The following CALD1 variants were observed in gnomAD, a reference collection of about 807,000 sequenced individuals.
The protein encoded by CALD1 is caldesmon.
In CALD1, 33 loss-of-function variants were observed where a neutral mutation model predicts 99.9. That is an observed-to-expected ratio of 0.33 (90% CI 0.25 to 0.44). The LOEUF (loss-of-function observed/expected upper bound fraction) is 0.44, where lower values mean the gene tolerates loss of function less well. Ranked by LOEUF, CALD1 falls within the 20% of genes least tolerant of loss-of-function variation. The pLI is 1.00. For synonymous variants in CALD1, 310 were observed against 325.0 expected, an observed-to-expected ratio of 0.95 and a Z score of 0.50; for missense variants, 861 against 962.1, an observed-to-expected ratio of 0.89 and a Z score of 1.39.
chr7:134,839,554 C>A (rs1302930967), intron 1 of CALD1, among the ~76,000 whole-genome samples: 1 of 152,178 alleles, frequency 6.6e-6, no homozygotes, highest in Non-Finnish European at 1.5e-5. Flanking sequence ...CAGTTGCTCA[C>A]CACCATTTTG....
chr7:134,917,835 A>G (rs566546351), intron 3 of CALD1, among the ~76,000 whole-genome samples: 5 of 152,246 alleles, frequency 3.3e-5, no homozygotes, highest in South Asian at 4.2e-4. Flanking sequence ...ATTTTATTTT[A>G]ATTATCTTCC....
Position 134,970,678 on chromosome 7 carries a change from T to C in CALD1, c.*2333T>C, listed in dbSNP as rs1808985780. On this transcript the variant is annotated 3_prime_UTR_variant, in exon 15 of 15. Transcript: ENST00000361675. ...CACTTATTTTTATGTACAATATTGA[T>C]AGTGAGAGGTATGTCTATTATAATA... 1.3e-5 allele frequency: 2 copies of C among 152,504 alleles called. No individual in the cohort carries two copies. The highest frequency in any genetic ancestry group is 2.9e-5 in the Non-Finnish European group (2 of 68,038). 9.4% of individuals were successfully genotyped at this position (152,504 alleles called of 1,614,324 possible). A position where few individuals can be genotyped will look rare whatever the true frequency, so the allele number is the denominator to read the frequency against.
intron 3 of CALD1, among the ~76,000 whole-genome samples, chr7:134,926,954 G>T (rs1805069288): frequency 1.3e-5 from 2 of 152,096 alleles, no homozygotes; most frequent in Admixed American, 1.3e-4. Flanking sequence ...AGAATTATTA[G>T]CATGAAATGT....
At chr7:134,742,072 C>T (rs1412775011), upstream of CALD1, among the ~76,000 whole-genome samples, 4 of 151,176 alleles carry the variant, frequency 2.6e-5, no homozygotes, top group Admixed American at 1.3e-4. Flanking sequence ...TGATGTATGT[C>T]TTGGCCCCAC....
chr7:134,947,355 C>T (rs913249708), intron 7 of CALD1, among the ~76,000 whole-genome samples, 153 bp from the exon 8 acceptor site: 10 of 152,094 alleles, frequency 6.6e-5, no homozygotes, highest in Non-Finnish European at 1.0e-4. Context: ...TCTGTGATTC[C>T]GGGCAGACCC....
At position 134,867,811 on chromosome 7, in the gene CALD1, A is replaced by C. The variant is rs1447843209; in HGVS notation, c.71+7A>C. The C allele has an allele frequency of 5.7e-6, 9 of 1,579,040 alleles. No individual in the cohort carries two copies. The highest frequency in any genetic ancestry group is 3.4e-5 in the Admixed American group (2 of 58,438). On this transcript the variant is annotated splice_region_variant and intron_variant, in intron 3 of 14. Transcript: ENST00000361675. The stretch of plus-strand genomic sequence containing the variant: ...TGCGACTCGAAGCAGAAAGGTAAGG[A>C]TCTAGGGTGAAAAATACTTGTATTC...
At chr7:134,837,598 C>T (rs1799496507) in intron 1 of CALD1, among the ~76,000 whole-genome samples, 1 of 152,248 alleles carries the variant, frequency 6.6e-6, no homozygotes, top group South Asian at 2.1e-4. Flanking sequence ...CTGCCTGCCT[C>T]GGCCTCCCAA....
At chr7:134,888,316 C>T (rs1801977675) in intron 3 of CALD1, among the ~76,000 whole-genome samples, 1 of 152,208 alleles carries the variant, frequency 6.6e-6, no homozygotes, top group African/African-American at 2.4e-5. Context: ...GACTGGCCCA[C>T]TTGTTCATGG....
intron 4 of CALD1, among the ~76,000 whole-genome samples, chr7:134,932,741 T>C (rs1214709943): frequency 6.6e-6 from 1 of 152,126 alleles, no homozygotes; most frequent in Non-Finnish European, 1.5e-5. Context: ...TGAAAACTGC[T>C]CCCAGGGGAC....
intron 1 of CALD1, among the ~76,000 whole-genome samples, chr7:134,838,845 G>A (rs1284627702): frequency 6.6e-6 from 1 of 152,028 alleles, no homozygotes; most frequent in Non-Finnish European, 1.5e-5. Flanking sequence ...TATATATTTT[G>A]AGCTCATAAA....
At chr7:134,920,831 T>C (rs986378914) in intron 3 of CALD1, 5 of 495,688 alleles carry the variant, frequency 1.0e-5, no homozygotes, top group East Asian at 1.4e-4. Context: ...TTTCAAAATA[T>C]AGGAATGTGC....
intron 6 of CALD1, among the ~76,000 whole-genome samples, chr7:134,939,443 T>C (rs1175622236): frequency 6.6e-6 from 1 of 152,182 alleles, no homozygotes; most frequent in East Asian, 1.9e-4. Flanking sequence ...GGTTTCCTGA[T>C]TTACAGACAA....
At chr7:134,928,315 G>C (rs574944980) in intron 3 of CALD1, among the ~76,000 whole-genome samples, 1 of 151,760 alleles carries the variant, frequency 6.6e-6, no homozygotes, top group East Asian at 1.9e-4. Context: ...TGTAATCCCA[G>C]CTGCTCGGGA....
At chr7:134,762,230 C>T (rs979072797) in intron 1 of CALD1, among the ~76,000 whole-genome samples, 20 of 152,228 alleles carry the variant, frequency 1.3e-4, no homozygotes, top group Non-Finnish European at 2.2e-4. Flanking sequence ...GCCAGGTTCT[C>T]TTCTAAGTGA....
intron 1 of CALD1, among the ~76,000 whole-genome samples, chr7:134,788,564 ATTTG>A (rs1275430631): frequency 2.6e-5 from 4 of 152,210 alleles, no homozygotes; most frequent in African/African-American, 7.2e-5. Flanking sequence ...ATGATTGCAT[ATTTG>A]TTTGTTTGCT....
At chr7:134,789,430 C>T (rs1306166805) in intron 1 of CALD1, among the ~76,000 whole-genome samples, 4 of 152,184 alleles carry the variant, frequency 2.6e-5, no homozygotes, top group African/African-American at 9.7e-5. Flanking sequence ...GAATTGAGAT[C>T]TATTTGAGAA....
chr7:134,919,480 T>C (rs1804454525), intron 3 of CALD1, among the ~76,000 whole-genome samples: 2 of 152,222 alleles, frequency 1.3e-5, no homozygotes, highest in Non-Finnish European at 2.9e-5. Flanking sequence ...GATGTCACCA[T>C]TGTATAAAGC....
intron 1 of CALD1, among the ~76,000 whole-genome samples, chr7:134,828,948 AT>A (rs2132058297): frequency 6.6e-6 from 1 of 152,292 alleles, no homozygotes; most frequent in South Asian, 2.1e-4. Context: ...AGGAGCTCTT[AT>A]TCTCATCTTT....
intron 3 of CALD1, among the ~76,000 whole-genome samples, chr7:134,893,115 A>G (rs1802323881): frequency 6.6e-6 from 1 of 150,572 alleles, no homozygotes; most frequent in South Asian, 2.1e-4. Context: ...GCTTGTTTCC[A>G]CTCCTTCATG....
Sources: allele counts gnomAD v4.1 joint callset (sites outside exome capture counted in the v4.1 genomes callset), GRCh38; gene constraint gnomAD v4.1.1; transcripts MANE v1.5; gene names NCBI Gene and HGNC (gene_info 2026-07-23, HGNC 2026-07-21).